SV2C: variants seen among roughly 807,000 people sequenced by gnomAD.
SV2C encodes the protein synaptic vesicle glycoprotein 2C, also known as solute carrier family 22 member B3.
Under a neutral mutation model 79.7 loss-of-function variants are expected in SV2C, and 49 were observed. The ratio of observed to expected loss-of-function variants is 0.61; its 90% CI spans 0.49 to 0.78. The LOEUF (loss-of-function observed/expected upper bound fraction) is 0.78. Among genes scored for constraint, SV2C ranks in the 30% least tolerant of loss-of-function variants. SV2C has a pLI of 0.00. For missense variants in SV2C, 833 were observed against 912.9 expected, an observed-to-expected ratio of 0.91 and a Z score of 1.13; for synonymous variants, 334 against 333.2, an observed-to-expected ratio of 1.00 and a Z score of -0.03.
At position 76,195,011 on chromosome 5, in the gene SV2C, A is replaced by G. The variant is rs1451317626; in HGVS notation, c.673A>G (p.Met225Val). ...AAGGAAACAGTCTCTTCTGATTTGC[A>G]TGTCTGTCAACGGATTCTTTGCCTT... ...VGRKQSLLICMSVNGFFAFLS... is the reference protein window; with the variant it reads ...VGRKQSLLICVSVNGFFAFLS... Residue 225 changes from methionine (M) to valine (V), a missense_variant, in exon 3 of 13, where the codon ATG becomes GTG. Met to Val is a conservative substitution (Grantham distance 21). Transcript: ENST00000502798. The G allele has an allele frequency of 3.1e-6, 5 of 1,613,956 alleles. No homozygotes were observed. The highest frequency in any genetic ancestry group is 4.2e-6 in the Non-Finnish European group (5 of 1,179,976).
the SV2C span, among the ~76,000 whole-genome samples, chr5:76,011,586 C>A: frequency 6.6e-6 from 1 of 151,962 alleles, no homozygotes; most frequent in African/African-American, 2.4e-5. Flanking sequence ...TACCGACTAA[C>A]CTATACTTTT....
chr5:76,134,225 A>G (rs1748993673), intron 2 of SV2C, among the ~76,000 whole-genome samples: 1 of 152,178 alleles, frequency 6.6e-6, no homozygotes, highest in Non-Finnish European at 1.5e-5. Flanking sequence ...TAGTGAATTA[A>G]AAATATGTCC....
At chr5:76,004,777 T>G in the SV2C span, among the ~76,000 whole-genome samples, 1 of 152,132 alleles carries the variant, frequency 6.6e-6, no homozygotes, top group African/African-American at 2.4e-5. Flanking sequence ...TTTTATACAT[T>G]AGGAAACAAG....
intron 2 of SV2C, among the ~76,000 whole-genome samples, chr5:76,136,008 G>A (rs1198910661): frequency 6.6e-6 from 1 of 152,230 alleles, no homozygotes; most frequent in Non-Finnish European, 1.5e-5. Flanking sequence ...CCCATCCAGT[G>A]AAGCAGAGAA....
Position 76,133,706 on chromosome 5 carries a change from G to A in SV2C, c.580+1376G>A, listed in dbSNP as rs115101078. ...CACTATCAAATGCAGACATCACCAC[G>A]CTTCAGAGGAGGGTCCTTGGTCATT... On this transcript the variant is annotated intron_variant, in intron 2 of 12. Transcript: ENST00000502798. Among the ~76,000 whole-genome samples, 486 of 152,246 alleles carry A rather than the reference G, an allele frequency of 3.2e-3. 1 individual carries two copies. Among genetic ancestry groups the A allele is most frequent in the African/African-American group, 0.011 (465 of 41,562 alleles).
At chr5:75,952,273 TCC>T in the SV2C span, among the ~76,000 whole-genome samples, 2 of 148,950 alleles carry the variant, frequency 1.3e-5, no homozygotes, top group Admixed American at 6.7e-5. Context: ...CTTCCTTCCT[TCC>T]TTCCTTCCTT....
At chr5:75,948,630 C>T in the SV2C span, among the ~76,000 whole-genome samples, 147 of 151,866 alleles carry the variant, frequency 9.7e-4, no homozygotes, top group Non-Finnish European at 1.6e-3. Context: ...TTTGATAAGG[C>T]GACGTTTGTG....
chr5:76,222,255 A>C (rs993756828), intron 4 of SV2C, among the ~76,000 whole-genome samples: 1 of 152,364 alleles, frequency 6.6e-6, no homozygotes, highest in African/African-American at 2.4e-5. Context: ...AAAGCTGAAA[A>C]TAACCAAAAT....
At chr5:76,312,601 G>A (rs549902931) in intron 12 of SV2C, among the ~76,000 whole-genome samples, 15 of 152,272 alleles carry the variant, frequency 9.9e-5, no homozygotes, top group Admixed American at 4.6e-4. Context: ...GGCCAGGAGC[G>A]CACACCTTGT....
At chr5:76,234,795 C>T (rs2112407533) in intron 4 of SV2C, among the ~76,000 whole-genome samples, 1 of 152,232 alleles carries the variant, frequency 6.6e-6, no homozygotes, top group African/African-American at 2.4e-5. Flanking sequence ...ATATCATAGC[C>T]AATCAAAAGT....
At chr5:76,314,563 T>G (rs1392692502) in intron 12 of SV2C, among the ~76,000 whole-genome samples, 3 of 152,210 alleles carry the variant, frequency 2.0e-5, no homozygotes, top group Non-Finnish European at 4.4e-5. Flanking sequence ...TTTCCTCATC[T>G]GTGTGGTGGA....
the SV2C span, among the ~76,000 whole-genome samples, chr5:75,883,703 G>T: frequency 0.12 from 12,957 of 111,386 alleles, 821 homozygotes; most frequent in African/African-American, 0.2. Flanking sequence ...GGGGGGAGGG[G>T]GGAGGGATAG....
chr5:76,119,667 A>G (rs1748413584), intron 1 of SV2C, among the ~76,000 whole-genome samples: 1 of 152,008 alleles, frequency 6.6e-6, no homozygotes, highest in Admixed American at 6.6e-5. Flanking sequence ...TTGTGACCCC[A>G]TGGGGCTCTG....
chr5:76,179,319 A>AG (rs760375246), intron 2 of SV2C, among the ~76,000 whole-genome samples: 7 of 152,224 alleles, frequency 4.6e-5, no homozygotes, highest in Non-Finnish European at 8.8e-5. Flanking sequence ...CTAGGATACA[A>AG]TGGTTTTTAA....
chr5:76,258,571 A>G (rs190050176), intron 4 of SV2C, among the ~76,000 whole-genome samples: 15 of 152,346 alleles, frequency 9.8e-5, no homozygotes, highest in Admixed American at 9.1e-4. Context: ...ACCATTTTGA[A>G]TGATACCAAA....
rs1459871538 is a variant in SV2C at position 76,127,278 on chromosome 5, G to C, written c.-101-4372G>C. ...GCTTGTGTAGGAAAGTTTTAAAATAGTATGTAGTGGTATTGGATATGTGTG... is the reference window on the plus strand; with the variant it reads ...GCTTGTGTAGGAAAGTTTTAAAATACTATGTAGTGGTATTGGATATGTGTG... On this transcript the variant is annotated intron_variant, in intron 1 of 12. Transcript: ENST00000502798. 4.6e-5 allele frequency among the ~76,000 whole-genome samples: 7 copies of C among 152,174 alleles called. No homozygotes were observed. In the South Asian group the frequency reaches 8.3e-4, roughly 18 times the overall value.
intron 6 of SV2C, among the ~76,000 whole-genome samples, chr5:76,289,179 G>A (rs1747460322): frequency 6.6e-6 from 1 of 152,186 alleles, no homozygotes; most frequent in Non-Finnish European, 1.5e-5. Flanking sequence ...GAGTCACCAT[G>A]CCTGGCCCTC....
At chr5:76,113,312 C>T (rs147339631) in intron 1 of SV2C, among the ~76,000 whole-genome samples, 38 of 152,316 alleles carry the variant, frequency 2.5e-4, no homozygotes, top group African/African-American at 7.5e-4. Context: ...CCCCAGTAAA[C>T]GGAAGATACG....
At chr5:76,064,852 A>G in the SV2C span, among the ~76,000 whole-genome samples, 1 of 152,196 alleles carries the variant, frequency 6.6e-6, no homozygotes, top group Admixed American at 6.5e-5. Context: ...TGATTTTAAG[A>G]TCAAACACAT....
Sources: allele counts gnomAD v4.1 joint callset (sites outside exome capture counted in the v4.1 genomes callset), GRCh38; gene constraint gnomAD v4.1.1; transcripts MANE v1.5; gene names NCBI Gene and HGNC (gene_info 2026-07-23, HGNC 2026-07-21).